The following KCNH1 variants were observed in gnomAD, a reference collection of about 807,000 sequenced individuals.
KCNH1 encodes potassium voltage-gated channel subfamily H member 1, also known as voltage-gated delayed rectifier potassium channel KCNH1.
A neutral mutation model predicts 69.2 loss-of-function variants in KCNH1; 27 were observed. The observed-to-expected ratio is 0.39, with a 90% CI of 0.29 to 0.54. KCNH1 has a LOEUF of 0.54. KCNH1 is among the 20% of genes least tolerant of loss of function. The pLI, the probability that KCNH1 is intolerant of heterozygous loss-of-function variation, is 0.68. For missense variants in KCNH1, 798 were observed against 1,261.6 expected (o/e 0.63, Z 5.57); for synonymous variants, 456 against 487.7 (o/e 0.93, Z 0.86).
intron 7 of KCNH1, among the ~76,000 whole-genome samples, chr1:210,880,534 T>G (rs1231699350): frequency 6.6e-6 from 1 of 152,090 alleles, no homozygotes. Context: ...GATATCCACA[T>G]GCAAAAACAT....
chr1:210,885,691 A>G (rs1433977529), intron 7 of KCNH1, among the ~76,000 whole-genome samples: 1 of 152,126 alleles, frequency 6.6e-6, no homozygotes, highest in Admixed American at 6.5e-5. Flanking sequence ...CACCTGGGAC[A>G]CTTGAGCTTG....
At chr1:210,967,779 T>C (rs578126402) in intron 6 of KCNH1, among the ~76,000 whole-genome samples, 24 of 152,274 alleles carry the variant, frequency 1.6e-4, no homozygotes, top group Middle Eastern at 3.4e-3. Flanking sequence ...CTATTTCTTT[T>C]TTCTCTCTTA....
intron 5 of KCNH1, among the ~76,000 whole-genome samples, chr1:211,043,128 T>C (rs1314706878): frequency 6.6e-6 from 1 of 151,908 alleles, no homozygotes; most frequent in Non-Finnish European, 1.5e-5. Flanking sequence ...CTAAACGAAA[T>C]TGAAACAAAC....
chr1:211,047,871 C>T lies in KCNH1; in HGVS notation c.559-28615G>A, dbSNP rs1398851531. On this transcript the variant is annotated intron_variant, in intron 5 of 10. Transcript: ENST00000271751. ...TCAAATCCGCAAGGAAAAAAAAAAT[C>T]CTATCAAAAAGTGGGCTAAGGACAT... is the stretch of plus-strand genomic sequence containing the variant. 2.6e-5 allele frequency among the ~76,000 whole-genome samples: 4 copies of T among 151,566 alleles called. No individual in the cohort carries two copies. The South Asian group carries it at 8.3e-4, about 32-fold the overall frequency.
chr1:210,752,409 C>T lies in KCNH1; in HGVS notation c.2112+22939G>A, dbSNP rs148669813. Among the ~76,000 whole-genome samples the T allele has an allele frequency of 3.9e-5, 6 of 152,256 alleles. No homozygotes were observed. The East Asian group carries it at 1.2e-3, about 29-fold the overall frequency. ...GTCCGCTGTGCTTTGTGAATCTCTCCGTCAAGCAGAGAGTTCCACTGGTTT... is the reference window on the plus strand; with the variant it reads ...GTCCGCTGTGCTTTGTGAATCTCTCTGTCAAGCAGAGAGTTCCACTGGTTT... On this transcript the variant is annotated intron_variant, in intron 10 of 10. Transcript: ENST00000271751.
intron 1 of KCNH1, among the ~76,000 whole-genome samples, chr1:211,117,202 CACTT>C (rs1002770660): frequency 2.0e-5 from 3 of 152,330 alleles, no homozygotes; most frequent in Non-Finnish European, 2.9e-5. Context: ...GAAGACCAGA[CACTT>C]ACACATCTCA....
intron 7 of KCNH1, among the ~76,000 whole-genome samples, chr1:210,806,826 A>ATATATAT (rs1558477801): frequency 3.7e-4 from 18 of 48,196 alleles, no homozygotes; most frequent in Non-Finnish European, 7.3e-4. Flanking sequence ...AAAAAAAAAA[A>ATATATAT]AAAAAAAAAA....
In KCNH1 at chr1:211,018,675, A is replaced by C. The variant is rs1020894196; in HGVS notation, c.1032+108T>G. The C allele has an allele frequency of 4.5e-6, 4 of 888,944 alleles. No individual in the cohort carries two copies. In the African/African-American group the frequency reaches 6.7e-5, roughly 15 times the overall value. 55.1% of individuals were successfully genotyped at this position (888,944 alleles called of 1,614,324 possible). ...ATCAAGCATGCTCCCTCTGTTCTGG[A>C]CATCAGTCATGCTATTTCCCACCCA... On this transcript the variant is annotated intron_variant, in intron 6 of 10. Coordinates refer to ENST00000271751, the MANE Select transcript of KCNH1 (RefSeq NM_172362.3).
chr1:210,926,136 T>A (rs1309630242), intron 6 of KCNH1, among the ~76,000 whole-genome samples: 2 of 152,190 alleles, frequency 1.3e-5, no homozygotes, highest in Non-Finnish European at 2.9e-5. Context: ...GGCAGGTGCC[T>A]GTAATGCTGG....
Position 210,776,010 on chromosome 1 carries a change from G to T in KCNH1, c.1916-466C>A, listed in dbSNP as rs574228073. On this transcript the variant is annotated intron_variant, in intron 9 of 10. Transcript: ENST00000271751. The stretch of plus-strand genomic sequence containing the variant: ...GGAGCTCAACCAATATTTATAGGCA[G>T]AAGGAAAGAATGGAGGTAGACTGTG... Among the ~76,000 whole-genome samples the T allele has an allele frequency of 8.5e-5, 13 of 152,314 alleles. 1 individual carries two copies. Among genetic ancestry groups the T allele is most frequent in the Admixed American group, 7.2e-4 (11 of 15,300 alleles).
At chr1:211,053,030 C>T (rs1028139270) in intron 5 of KCNH1, among the ~76,000 whole-genome samples, 1 of 152,178 alleles carries the variant, frequency 6.6e-6, no homozygotes, top group African/African-American at 2.4e-5. Flanking sequence ...GATAATTTCC[C>T]TTTAAATTTT....
chr1:210,711,045 C>T (rs1025698051), intron 10 of KCNH1, among the ~76,000 whole-genome samples: 2 of 152,322 alleles, frequency 1.3e-5, no homozygotes, highest in African/African-American at 4.8e-5. Context: ...AGGTCTGGTT[C>T]AGTCCACTGT....
intron 7 of KCNH1, among the ~76,000 whole-genome samples, chr1:210,830,344 T>C (rs1685131370): frequency 1.3e-5 from 2 of 152,218 alleles, no homozygotes; most frequent in Admixed American, 1.3e-4. Context: ...AAACCAAGGA[T>C]GCCTTCCTAA....
intron 7 of KCNH1, chr1:210,861,148 G>A: frequency 1.1e-6 from 1 of 911,452 alleles, no homozygotes; most frequent in Non-Finnish European, 1.8e-6. Context: ...CAAACTTCAT[G>A]CGTATATACT....
At chr1:210,699,712 G>A (rs1198808070) in intron 10 of KCNH1, among the ~76,000 whole-genome samples, 1 of 152,160 alleles carries the variant, frequency 6.6e-6, no homozygotes, top group South Asian at 2.1e-4. Flanking sequence ...TGTTTCACCA[G>A]TGGAGCCCAT....
chr1:210,922,594 C>T (rs1375626262), intron 6 of KCNH1, among the ~76,000 whole-genome samples: 1 of 152,120 alleles, frequency 6.6e-6, no homozygotes, highest in Non-Finnish European at 1.5e-5. Context: ...TCTTGGCATG[C>T]CCAGTATTCC....
At chr1:210,867,395 C>T (rs1345303761) in intron 7 of KCNH1, among the ~76,000 whole-genome samples, 1 of 149,922 alleles carries the variant, frequency 6.7e-6, no homozygotes, top group Admixed American at 6.7e-5. Context: ...AAAGCAAATT[C>T]ATATTAAAGT....
chr1:210,970,266 GT>G (rs1190579006), intron 6 of KCNH1, among the ~76,000 whole-genome samples: 2 of 147,646 alleles, frequency 1.4e-5, no homozygotes, highest in Non-Finnish European at 3.0e-5. Context: ...CCCTCCCCTT[GT>G]CCCCCACCCC....
At chr1:211,040,510 C>T (rs1689976593) in intron 5 of KCNH1, among the ~76,000 whole-genome samples, 2 of 152,138 alleles carry the variant, frequency 1.3e-5, no homozygotes, top group Admixed American at 6.5e-5. Flanking sequence ...AGAAGTGCCT[C>T]TCACTTCCTG....
Sources: allele counts gnomAD v4.1 joint callset (sites outside exome capture counted in the v4.1 genomes callset), GRCh38; gene constraint gnomAD v4.1.1; transcripts MANE v1.5; gene names NCBI Gene and HGNC (gene_info 2026-07-23, HGNC 2026-07-21).